Variants in ABI1 observed in about 807,000 individuals in gnomAD.
ABI1 encodes the protein abl interactor 1.
ABI1 carries 14 observed loss-of-function variants against 54.6 expected under a neutral mutation model. The observed-to-expected ratio is 0.26, with a 90% CI of 0.17 to 0.40. ABI1 has a LOEUF of 0.40. Among genes scored for constraint, ABI1 ranks in the 10% least tolerant of loss-of-function variants. ABI1 has a pLI of 1.00. For synonymous variants in ABI1, 194 were observed against 209.3 expected (o/e 0.93, Z 0.63); for missense variants, 443 against 598.3 (o/e 0.74, Z 2.71).
chr10:26,768,790 G>A, intron 6 of ABI1, 62 bp downstream of exon 6: 2 of 1,480,908 alleles, frequency 1.4e-6, no homozygotes, highest in East Asian at 2.4e-5. Flanking sequence ...CTCCATAGGA[G>A]TTTGTCGCCA....
intron 1 of ABI1, among the ~76,000 whole-genome samples, chr10:26,845,541 G>A (rs1440350125): frequency 6.6e-6 from 1 of 152,144 alleles, no homozygotes; most frequent in Non-Finnish European, 1.5e-5. Context: ...TACTTGGGAG[G>A]CTGAGACAGG....
chr10:26,790,564 T>G (rs566328482), intron 2 of ABI1: 15 of 152,188 alleles, frequency 9.9e-5, no homozygotes, highest in Non-Finnish European at 2.2e-4. Flanking sequence ...CTTCATGAAT[T>G]TGCATGTCAT....
At position 26,836,734 on chromosome 10, in the gene ABI1, A is replaced by AT. The variant is rs2049107108; in HGVS notation, c.118-13430dup. Among the ~76,000 whole-genome samples the AT allele has an allele frequency of 2.0e-5, 3 of 152,202 alleles. No homozygotes were observed. In the South Asian group the frequency reaches 6.2e-4, roughly 31 times the overall value. On this transcript the variant is annotated intron_variant, in intron 1 of 10. Coordinates refer to ENST00000376140, the MANE Select transcript of ABI1 (RefSeq NM_001012750.3). ...ATGTAAAGAATGTGAATCCTTGATG[A>AT]TACTGAGCTGAAGAATTAACCCTAA...
intron 2 of ABI1, among the ~76,000 whole-genome samples, chr10:26,818,019 C>G (rs371672670): frequency 7.9e-5 from 12 of 151,302 alleles, no homozygotes; most frequent in African/African-American, 2.9e-4. Flanking sequence ...AATAGCTGAG[C>G]ATGGTGGCGC....
rs534662568 is a variant in ABI1 at position 26,856,071 on chromosome 10, G to A, written c.117+4676C>T. Among the ~76,000 whole-genome samples, 3 of 94,660 alleles carry A rather than the reference G, an allele frequency of 3.2e-5. No individual in the cohort carries two copies. The East Asian group carries it at 1.0e-3, about 32-fold the overall frequency. The allele number at this position is 94,660 out of a possible 152,430, so 62.1% of individuals were successfully genotyped here. On this transcript the variant is annotated intron_variant, in intron 1 of 10. Coordinates refer to ENST00000376140, the MANE Select transcript of ABI1 (RefSeq NM_001012750.3). ...GGAGACTGAGGACAGTGGATCACCT[G>A]AGGCCAGAGTTCGAGATCAGCCTGG...
chr10:26,761,641 TATATATATATATATATATATAC>T (rs2132573333), intron 7 of ABI1, among the ~76,000 whole-genome samples: 2 of 116,734 alleles, frequency 1.7e-5, no homozygotes, highest in South Asian at 2.9e-4. Flanking sequence ...TATATATATA[TATATATATATATATATATATAC>T]ACACACACAT....
chr10:26,777,038 C>A (rs1841494397), intron 3 of ABI1, 27 bp downstream of exon 3: 2 of 1,518,370 alleles, frequency 1.3e-6, no homozygotes, highest in African/African-American at 1.4e-5. Flanking sequence ...TGCAAATTAG[C>A]TTGTTAATGT....
chr10:26,762,534 T>G (rs1839375507), intron 7 of ABI1, among the ~76,000 whole-genome samples: 1 of 152,192 alleles, frequency 6.6e-6, no homozygotes, highest in African/African-American at 2.4e-5. Context: ...CAAAAGCCTT[T>G]TGTTGACATG....
At chr10:26,816,983 A>C (rs905491170) in intron 2 of ABI1, among the ~76,000 whole-genome samples, 9 of 86,722 alleles carry the variant, frequency 1.0e-4, no homozygotes, top group African/African-American at 4.2e-4. Context: ...TTTTGCAAAG[A>C]CTTTGTGTGT....
In ABI1 at chr10:26,755,750, A is replaced by G; in HGVS notation, c.998-9T>C. On this transcript the variant is annotated splice_polypyrimidine_tract_variant and intron_variant, in intron 8 of 10. Transcript: ENST00000376140. ...GGGTGGAGCAATAGAAACTGGTAGC[A>G]ACAACACAGTATGGGGGAAGTAAAA... 1 of 1,589,504 alleles carries G rather than the reference A, an allele frequency of 6.3e-7. No homozygotes were observed. The highest frequency in any genetic ancestry group is 8.6e-7 in the Non-Finnish European group (1 of 1,158,524).
intron 2 of ABI1, among the ~76,000 whole-genome samples, chr10:26,786,308 G>A (rs1490325419): frequency 2.6e-5 from 4 of 151,666 alleles, no homozygotes; most frequent in African/African-American, 9.7e-5. Flanking sequence ...CTGCCTCCCA[G>A]GTTCAAGCGA....
In ABI1 at chr10:26,768,885, G is replaced by C; in HGVS notation, c.686C>G (p.Thr229Arg). 2.5e-6 allele frequency: 4 copies of C among 1,613,666 alleles called. No individual in the cohort carries two copies. The South Asian group carries it at 3.3e-5, about 13-fold the overall frequency. The change falls in exon 6 of 11, where the codon ACA (threonine) becomes AGA (arginine). Residue 229 changes from threonine to arginine, a missense_variant. Around this residue, in one of 2 missense-constraint regions of ABI1, gnomAD observed 394 missense variants for 484.8 expected, o/e 0.81. Coordinates refer to ENST00000376140, the MANE Select transcript of ABI1 (RefSeq NM_001012750.3). ...CCTTGGTCTCTGATTTAAAGATGCT[G>C]TCCTGCCTGGACTATGCTGACTTCC... ...RLGSQHSPGRTASLNQRPRTH... is the reference protein window; with the variant it reads ...RLGSQHSPGRRASLNQRPRTH...
chr10:26,785,534 C>A (rs955265344), intron 2 of ABI1, among the ~76,000 whole-genome samples: 1 of 152,050 alleles, frequency 6.6e-6, no homozygotes, highest in Non-Finnish European at 1.5e-5. Flanking sequence ...CCAGCCTGGC[C>A]AACATGGTGA....
intron 1 of ABI1, among the ~76,000 whole-genome samples, chr10:26,828,182 G>A (rs1430872419): frequency 6.6e-6 from 1 of 152,212 alleles, no homozygotes; most frequent in African/African-American, 2.4e-5. Context: ...GGCCCAAAGA[G>A]AGGGAGAGAC....
intron 1 of ABI1, among the ~76,000 whole-genome samples, chr10:26,849,989 AC>A (rs1336962398): frequency 6.6e-6 from 1 of 152,206 alleles, no homozygotes; most frequent in Non-Finnish European, 1.5e-5. Context: ...ACTACCATCT[AC>A]CAAGTTTTGT....
intron 2 of ABI1, among the ~76,000 whole-genome samples, chr10:26,778,849 A>C (rs149568955): frequency 1.3e-5 from 2 of 152,344 alleles, no homozygotes; most frequent in Non-Finnish European, 2.9e-5. Context: ...TCTGCCCATT[A>C]TAAAAGATGT....
chr10:26,755,659 T>G lies in ABI1; in HGVS notation c.1080A>C (p.Glu360Asp). ...PLTGFVARVQENIADSPTPPP... is the reference protein window; with the variant it reads ...PLTGFVARVQDNIADSPTPPP... ...GCTCAGTTTTTCCAAACTTACTGTT[T>G]TCCTGCACCCTGGCCACGAAGCCTG... is the stretch of plus-strand genomic sequence containing the variant. The change falls in exon 9 of 11, where the codon GAA becomes GAC. Residue 360 changes from glutamate to aspartate, a missense_variant. Transcript: ENST00000376140. 1 of 1,612,592 alleles carries G rather than the reference T, an allele frequency of 6.2e-7. No individual in the cohort carries two copies. The highest frequency in any genetic ancestry group is 8.5e-7 in the Non-Finnish European group (1 of 1,178,772).
intron 9 of ABI1, among the ~76,000 whole-genome samples, chr10:26,753,744 A>G (rs1281772896): frequency 6.6e-6 from 1 of 152,214 alleles, no homozygotes; most frequent in Admixed American, 6.5e-5. Flanking sequence ...TTTAACACCA[A>G]TCCTCCTAAC....
intron 10 of ABI1, among the ~76,000 whole-genome samples, chr10:26,750,377 C>A (rs535897701): frequency 6.6e-6 from 1 of 152,206 alleles, no homozygotes; most frequent in South Asian, 2.1e-4. Context: ...ACCTGTAATC[C>A]CAGCTACTTA....
Sources: gnomAD v4.1 joint callset for allele counts (sites outside exome capture counted in the v4.1 genomes callset) on GRCh38, gnomAD v4.1.1 for gene constraint, gnomAD v4.1.1 regional missense constraint, MANE v1.5 for transcripts, NCBI Gene and HGNC (gene_info 2026-07-23, HGNC 2026-07-21) for gene names.